Variants in NYNRIN observed in about 807,000 individuals in gnomAD.
NYNRIN encodes NYN domain and retroviral integrase containing.
A neutral mutation model predicts 146.6 loss-of-function variants in NYNRIN; 86 were observed. That is an observed-to-expected ratio of 0.59 (90% confidence interval 0.49 to 0.70). The LOEUF is 0.70. Among genes scored for constraint, NYNRIN ranks in the 30% least tolerant of loss-of-function variants. The pLI is 0.00. For synonymous variants in NYNRIN, 1,027 were observed against 1,001.3 expected (o/e 1.03, Z -0.48); for missense variants, 2,191 against 2,377.7 (o/e 0.92, Z 1.63).
rs1252969970 is a variant in NYNRIN at position 24,411,068 on chromosome 14, C to T, written c.2415-8C>T. 40 of 1,613,512 alleles carry T rather than the reference C, an allele frequency of 2.5e-5. No homozygotes were observed. The Admixed American group carries it at 6.5e-4, about 26-fold the overall frequency. On this transcript the variant is annotated splice_region_variant and splice_polypyrimidine_tract_variant and intron_variant, in intron 4 of 8. Coordinates refer to ENST00000382554, the MANE Select transcript of NYNRIN (RefSeq NM_025081.3). The surrounding 1 kb of genome is among the most constrained non-coding windows in gnomAD (Gnocchi z 4.3). ...GGCAGGGTCTTTCCTTGTCCCACGA[C>T]CCCACAGGCATGGCCTGCAGCACTT...
At position 24,417,357 on chromosome 14, in the gene NYNRIN, G is replaced by GGATAT; in HGVS notation, c.5608_5609insGATAT (p.Glu1870GlyfsTer13). On this transcript the variant is annotated frameshift_variant, in exon 9 of 9. Coordinates refer to ENST00000382554, the MANE Select transcript of NYNRIN (RefSeq NM_025081.3). LOFTEE classifies it high-confidence loss of function. Reference sequence around the variant, plus strand: ...TAGGATATGGGGCTTCCCAACCCCAGAGAAGCTGGGGTGCATCTATCCCAG... The same window carrying GGATAT: ...TAGGATATGGGGCTTCCCAACCCCAGGATATAGAAGCTGGGGTGCATCTATCCCAG... 1 of 1,598,348 alleles carries GGATAT rather than the reference G, an allele frequency of 6.3e-7. No homozygotes were observed. Among genetic ancestry groups the GGATAT allele is most frequent in the Non-Finnish European group, 8.5e-7 (1 of 1,171,258 alleles).
At position 24,416,437 on chromosome 14, in the gene NYNRIN, A is replaced by G. The variant is rs758049675; in HGVS notation, c.4688A>G (p.Tyr1563Cys). The G allele has an allele frequency of 6.2e-7, 1 of 1,613,250 alleles. No homozygotes were observed. The highest frequency in any genetic ancestry group is 8.5e-7 in the Non-Finnish European group (1 of 1,179,570). ...GCCCACCAGAGGCCCGAAGAGACCT[A>G]CAAGAAGTTGCGTTTGCTGGGGTGG... ...LGAHQRPEETYKKLRLLGWWP... is the reference protein window; with the variant it reads ...LGAHQRPEETCKKLRLLGWWP... Residue 1563 changes from tyrosine (Y) to cysteine (C), a missense_variant, in exon 9 of 9, where the codon TAC becomes TGC. Tyr to Cys is a radical substitution (Grantham distance 194). Coordinates refer to ENST00000382554, the MANE Select transcript of NYNRIN (RefSeq NM_025081.3).
In NYNRIN at chr14:24,409,212, G is replaced by A; in HGVS notation, c.1418G>A (p.Ser473Asn). ...AGCTCAGATGTAAAAGACAAAGTTA[G>A]CTCGGATCTCCCACAGATAGGGCCA... is the stretch of plus-strand genomic sequence containing the variant. The part of the protein sequence containing the change: ...PGSSDVKDKV[S>N]SDLPQIGPPL... The change falls in exon 4 of 9, where the codon AGC (serine) becomes AAC (asparagine). Residue 473 changes from serine (S) to asparagine (N), a missense_variant. Ser to Asn is a conservative substitution (Grantham distance 46). Transcript: ENST00000382554. 6.2e-7 allele frequency: 1 copy of A among 1,613,924 alleles called. No homozygotes were observed.
At position 24,409,470 on chromosome 14, in the gene NYNRIN, C is replaced by T; in HGVS notation, c.1676C>T (p.Ser559Phe). The change falls in exon 4 of 9, where the codon TCC becomes TTC. Residue 559 changes from serine (S) to phenylalanine (F), a missense_variant. Ser to Phe is a radical substitution (Grantham distance 155). Coordinates refer to ENST00000382554, the MANE Select transcript of NYNRIN (RefSeq NM_025081.3). Reference protein sequence around the residue: ...AAAVPKAENPSRTQVPSAAPK... With the variant: ...AAAVPKAENPFRTQVPSAAPK... ...GCAGTGCCCAAAGCTGAAAATCCCT[C>T]CAGAACTCAAGTGCCATCTGCAGCT... is the stretch of plus-strand genomic sequence containing the variant. 1 of 1,613,978 alleles carries T rather than the reference C, an allele frequency of 6.2e-7. No homozygotes were observed. Among genetic ancestry groups the T allele is most frequent in the Non-Finnish European group, 8.5e-7 (1 of 1,179,888 alleles).
At chr14:24,402,563 G>C (rs1056546726) in intron 2 of NYNRIN, among the ~76,000 whole-genome samples, 1 of 152,196 alleles carries the variant, frequency 6.6e-6, no homozygotes, top group Admixed American at 6.5e-5. Flanking sequence ...ACTGTGAGCA[G>C]TACCCTGAGA....
chr14:24,407,864 C>T lies in NYNRIN; in HGVS notation c.199-5C>T, dbSNP rs200331786. The stretch of plus-strand genomic sequence containing the variant: ...ACTTCATTGTGTTCTCCCCATTGTG[C>T]CCAGGAATACCTGAAGGGCCTGTGC... On this transcript the variant is annotated splice_polypyrimidine_tract_variant and splice_region_variant and intron_variant, in intron 2 of 8. Transcript: ENST00000382554. 9.3e-5 allele frequency: 149 copies of T among 1,594,338 alleles called. No individual in the cohort carries two copies. In the African/African-American group the frequency reaches 1.8e-3, roughly 20 times the overall value.
intron 4 of NYNRIN, among the ~76,000 whole-genome samples, chr14:24,410,840 C>A (rs2042908158): frequency 6.6e-6 from 1 of 152,240 alleles, no homozygotes; most frequent in Non-Finnish European, 1.5e-5. Context: ...AATGTCCCTA[C>A]ACACATGCGT....
At chr14:24,399,561 G>A (rs1022202760) in intron 2 of NYNRIN, 117 bp downstream of exon 2, 1 of 914,164 alleles carries the variant, frequency 1.1e-6, no homozygotes. Context: ...CCTGGATTTG[G>A]CAGTGTGGCA....
At chr14:24,403,828 GT>G (rs1446206447) in intron 2 of NYNRIN, among the ~76,000 whole-genome samples, 32 of 152,198 alleles carry the variant, frequency 2.1e-4, no homozygotes, top group African/African-American at 7.5e-4. Context: ...GCATGTCCAC[GT>G]TGCATAGCCA....
chr14:24,400,284 C>G (rs1354865130), intron 2 of NYNRIN, among the ~76,000 whole-genome samples: 2 of 152,216 alleles, frequency 1.3e-5, no homozygotes, highest in South Asian at 2.1e-4. Context: ...TCCCTGGCTT[C>G]TCTCACAAGC....
Position 24,409,627 on chromosome 14 carries a change from A to G in NYNRIN, c.1833A>G (p.Pro611=), listed in dbSNP as rs763730189. 6.2e-7 allele frequency: 1 copy of G among 1,607,854 alleles called. No individual in the cohort carries two copies. The highest frequency in any genetic ancestry group is 8.5e-7 in the Non-Finnish European group (1 of 1,177,062). Residue 611 remains proline (P), a synonymous_variant, in exon 4 of 9, where the codon CCA becomes CCG. Transcript: ENST00000382554. Reference sequence around the variant, plus strand: ...CTCAAAAAACAGTTGTGAATCAACCAGTGTTGGTAGCTCAAGTGGAACCCA... The same window carrying G: ...CTCAAAAAACAGTTGTGAATCAACCGGTGTTGGTAGCTCAAGTGGAACCCA... ...ATAQKTVVNQ[P]VLVAQVEPTT...
rs1398365727 is a variant in NYNRIN at position 24,415,913 on chromosome 14, C to T, written c.4164C>T (p.Leu1388=). Residue 1388 remains leucine (L), a synonymous_variant, in exon 9 of 9, where the codon CTC becomes CTT. Coordinates refer to ENST00000382554, the MANE Select transcript of NYNRIN (RefSeq NM_025081.3). ...CNWIFSLLWE[L]LPLWRARGFL... ...GGATCTTCAGCCTCCTGTGGGAGCT[C>T]CTGCCCCTCTGGAGGGCTCGGGGCT... 6 of 1,613,886 alleles carry T rather than the reference C, an allele frequency of 3.7e-6. No homozygotes were observed. In the African/African-American group the frequency reaches 5.3e-5, roughly 14 times the overall value.
chr14:24,408,560 A>C, intron 3 of NYNRIN, 33 bp downstream of exon 3: 1 of 1,544,182 alleles, frequency 6.5e-7, no homozygotes, highest in Non-Finnish European at 8.7e-7. Flanking sequence ...GGCTTCTCTG[A>C]TCCTACCCCT....
intron 2 of NYNRIN, among the ~76,000 whole-genome samples, chr14:24,401,452 G>C (rs948454291): frequency 6.6e-6 from 1 of 151,728 alleles, no homozygotes; most frequent in Non-Finnish European, 1.5e-5. Flanking sequence ...GGGGGTTAAA[G>C]TTTTGTCTCA....
chr14:24,408,563 C>T, intron 3 of NYNRIN, 36 bp downstream of exon 3: 4 of 1,541,594 alleles, frequency 2.6e-6, no homozygotes, highest in East Asian at 4.5e-5. Flanking sequence ...TTCTCTGATC[C>T]TACCCCTGCT....
intron 2 of NYNRIN, among the ~76,000 whole-genome samples, chr14:24,404,107 G>A (rs953291350): frequency 8.5e-5 from 13 of 152,188 alleles, no homozygotes; most frequent in Admixed American, 8.5e-4. Context: ...GGACACTCAT[G>A]TTCCTCAGAT....
At chr14:24,414,303 T>C (rs1460441497) in intron 8 of NYNRIN, among the ~76,000 whole-genome samples, 1 of 152,262 alleles carries the variant, frequency 6.6e-6, no homozygotes, top group Non-Finnish European at 1.5e-5. Flanking sequence ...CCGCCAGTCA[T>C]CTCTTATCAA....
At chr14:24,412,844 G>A (rs2042920648) in intron 6 of NYNRIN, among the ~76,000 whole-genome samples, 153 bp from the exon 7 acceptor site, 3 of 152,066 alleles carry the variant, frequency 2.0e-5, no homozygotes, top group Admixed American at 2.0e-4. Context: ...ATAGAGAAGG[G>A]GATGGGCTCG....
Position 24,408,207 on chromosome 14 carries a change from G to T in NYNRIN, c.537G>T (p.Leu179=). ...GTGACCAGCATGCAGGGGACCTACT[G>T]CAGCTGCCCCCAGCGGTCCAGGAGC... ...IRGDQHAGDL[L]QLPPAVQELL... is the part of the protein sequence containing the mutation. Residue 179 remains leucine, a synonymous_variant, in exon 3 of 9, where the codon CTG becomes CTT. Transcript: ENST00000382554. 6.2e-7 allele frequency: 1 copy of T among 1,602,412 alleles called. No individual in the cohort carries two copies. The highest frequency in any genetic ancestry group is 8.5e-7 in the Non-Finnish European group (1 of 1,177,418).
Sources: allele counts gnomAD v4.1 joint callset (sites outside exome capture counted in the v4.1 genomes callset), GRCh38; gene constraint gnomAD v4.1.1; non-coding constraint Gnocchi (gnomAD v3.1); transcripts MANE v1.5; gene names NCBI Gene and HGNC (gene_info 2026-07-23, HGNC 2026-07-21).